The following LRFN2 variants were observed in gnomAD, a reference collection of about 807,000 sequenced individuals.
LRFN2 encodes the protein leucine-rich repeat and fibronectin type-III domain-containing protein 2.
A neutral mutation model predicts 37.3 loss-of-function variants in LRFN2; 18 were observed. The ratio of observed to expected loss-of-function variants is 0.48; its 90% CI spans 0.33 to 0.72. The LOEUF (loss-of-function observed/expected upper bound fraction) is 0.72. Ranked by LOEUF, LRFN2 falls within the 30% of genes least tolerant of loss-of-function variation. The pLI is 0.02. For synonymous variants in LRFN2, 556 were observed against 466.6 expected (o/e 1.19, Z -2.47); for missense variants, 1,006 against 1,060.7 (o/e 0.95, Z 0.72).
chr6:40,516,066 G>A (rs1360759394), intron 1 of LRFN2, among the ~76,000 whole-genome samples: 1 of 152,028 alleles, frequency 6.6e-6, no homozygotes, highest in Non-Finnish European at 1.5e-5. Context: ...GCCCTTTGTG[G>A]GCTGCCTTCC....
At chr6:40,465,155 G>A (rs1306909145) in intron 1 of LRFN2, among the ~76,000 whole-genome samples, 1 of 152,040 alleles carries the variant, frequency 6.6e-6, no homozygotes, top group African/African-American at 2.4e-5. Flanking sequence ...TTGAGGGATG[G>A]GGTCATAAGC....
intron 2 of LRFN2, among the ~76,000 whole-genome samples, chr6:40,409,369 A>G (rs1178836101): frequency 6.6e-6 from 1 of 152,198 alleles, no homozygotes; most frequent in African/African-American, 2.4e-5. Context: ...TCGCCTTCAC[A>G]GTTTTCTCAC....
intron 1 of LRFN2, among the ~76,000 whole-genome samples, chr6:40,462,042 C>T (rs891711537): frequency 6.6e-5 from 10 of 152,114 alleles, no homozygotes; most frequent in African/African-American, 1.9e-4. Flanking sequence ...AAATGCAAAA[C>T]GTGCAATTTA....
At chr6:40,440,045 C>T (rs73430923) in intron 1 of LRFN2, among the ~76,000 whole-genome samples, 93 of 151,982 alleles carry the variant, frequency 6.1e-4, no homozygotes, top group African/African-American at 1.9e-3. Flanking sequence ...CAAACAAAAC[C>T]TTGGGGACAT....
intron 1 of LRFN2, among the ~76,000 whole-genome samples, chr6:40,534,899 C>A (rs954311240): frequency 6.6e-6 from 1 of 152,154 alleles, no homozygotes; most frequent in African/African-American, 2.4e-5. Context: ...CAATGAGTAC[C>A]AGGATCTCAT....
chr6:40,396,223 G>A (rs1235931089), intron 2 of LRFN2, among the ~76,000 whole-genome samples: 1 of 152,142 alleles, frequency 6.6e-6, no homozygotes, highest in Non-Finnish European at 1.5e-5. Context: ...CCACTTAACA[G>A]ATAAGAAACT....
intron 1 of LRFN2, among the ~76,000 whole-genome samples, chr6:40,504,362 C>T (rs544906069): frequency 2.6e-5 from 4 of 152,224 alleles, no homozygotes; most frequent in East Asian, 3.9e-4. Context: ...AATCACAGGA[C>T]GATCTTAAAC....
intron 1 of LRFN2, among the ~76,000 whole-genome samples, chr6:40,520,817 C>A (rs567287146): frequency 2.0e-5 from 3 of 152,104 alleles, no homozygotes; most frequent in Non-Finnish European, 4.4e-5. Context: ...GATGCTTGGC[C>A]GTGAATGTAG....
At chr6:40,545,454 A>G (rs1323711345) in intron 1 of LRFN2, among the ~76,000 whole-genome samples, 2 of 152,216 alleles carry the variant, frequency 1.3e-5, no homozygotes, top group African/African-American at 4.8e-5. Flanking sequence ...ATTGAAAACA[A>G]ACTGACTGAG....
rs71543993 is a variant in LRFN2, at chr6:40,515,892, C to CAA, written c.-19+71047_-19+71048dup. ...TGGGCAGCAGAGTGAGACTCCATAT[C>CAA]AAAAAAAAAAAAAAAAAAAAAAGAA... On this transcript the variant is annotated intron_variant, in intron 1 of 2. Coordinates refer to ENST00000338305, the MANE Select transcript of LRFN2 (RefSeq NM_020737.3). Among the ~76,000 whole-genome samples, 200 of 91,626 alleles carry CAA rather than the reference C, an allele frequency of 2.2e-3. 14 individuals are homozygous for CAA. Among genetic ancestry groups the CAA allele is most frequent in the African/African-American group, 5.3e-3 (127 of 24,162 alleles). 60.1% of individuals were successfully genotyped at this position (91,626 alleles called of 152,430 possible).
At chr6:40,560,346 A>G (rs528236411) in intron 1 of LRFN2, among the ~76,000 whole-genome samples, 6 of 152,282 alleles carry the variant, frequency 3.9e-5, no homozygotes, top group African/African-American at 9.6e-5. Context: ...AGGCACCAGG[A>G]TGCCATCATG....
chr6:40,459,906 G>A (rs1764310364), intron 1 of LRFN2, among the ~76,000 whole-genome samples: 1 of 152,192 alleles, frequency 6.6e-6, no homozygotes, highest in Admixed American at 6.5e-5. Context: ...AAGAGGTGAA[G>A]TCACTCACTC....
intron 1 of LRFN2, among the ~76,000 whole-genome samples, chr6:40,530,638 C>A (rs1160865019): frequency 6.6e-6 from 1 of 151,892 alleles, no homozygotes; most frequent in Non-Finnish European, 1.5e-5. Flanking sequence ...TCCCCAGGAC[C>A]CGTCACCCCC....
At chr6:40,573,090 A>T (rs938382674) in intron 1 of LRFN2, among the ~76,000 whole-genome samples, 13 of 152,246 alleles carry the variant, frequency 8.5e-5, no homozygotes. Flanking sequence ...CAAGAGTGAG[A>T]AGCATCAGCT....
intron 1 of LRFN2, among the ~76,000 whole-genome samples, chr6:40,493,054 G>C (rs1223659965): frequency 6.6e-6 from 1 of 152,108 alleles, no homozygotes; most frequent in Non-Finnish European, 1.5e-5. Context: ...TGGTCAGGAA[G>C]AGGGGAGCAA....
chr6:40,467,901 A>G (rs1416158446), intron 1 of LRFN2, among the ~76,000 whole-genome samples: 2 of 152,124 alleles, frequency 1.3e-5, no homozygotes, highest in Non-Finnish European at 2.9e-5. Context: ...GTCTCCTAGT[A>G]TGATGGAAGA....
At chr6:40,454,178 T>C (rs1764185342) in intron 1 of LRFN2, among the ~76,000 whole-genome samples, 2 of 152,206 alleles carry the variant, frequency 1.3e-5, no homozygotes, top group Non-Finnish European at 2.9e-5. Context: ...CCCAAGAGTT[T>C]GGTAGAGACA....
intron 1 of LRFN2, among the ~76,000 whole-genome samples, chr6:40,484,237 G>C (rs548062307): frequency 2.2e-4 from 33 of 152,318 alleles, no homozygotes; most frequent in African/African-American, 7.7e-4. Context: ...GACACGGATG[G>C]AGTGTGGTGC....
chr6:40,566,335 A>G (rs530753762), intron 1 of LRFN2, among the ~76,000 whole-genome samples: 4 of 152,372 alleles, frequency 2.6e-5, no homozygotes, highest in East Asian at 3.9e-4. Context: ...GCGATTCCTC[A>G]GGGATCTGGA....
Sources: gnomAD v4.1 joint callset for allele counts (sites outside exome capture counted in the v4.1 genomes callset) on GRCh38, gnomAD v4.1.1 for gene constraint, MANE v1.5 for transcripts, NCBI Gene and HGNC (gene_info 2026-07-23, HGNC 2026-07-21) for gene names.